Variants in FBRSL1 observed in about 807,000 individuals in gnomAD.
The protein encoded by FBRSL1 is fibrosin-1-like protein.
FBRSL1 carries 51 observed loss-of-function variants against 89.6 expected under a neutral mutation model. The ratio of observed to expected loss-of-function variants is 0.57; its 90% CI spans 0.45 to 0.72. The LOEUF is 0.72. Ranked by LOEUF, FBRSL1 falls within the 30% of genes least tolerant of loss-of-function variation. FBRSL1 has a pLI of 0.00. For missense variants in FBRSL1, 1,618 were observed against 1,451.8 expected (o/e 1.11, Z -1.86); for synonymous variants, 779 against 681.1 (o/e 1.14, Z -2.24).
At position 132,508,218 on chromosome 12, in the gene FBRSL1, C is replaced by T. The variant is rs1054017967; in HGVS notation, c.357C>T (p.Pro119=). The T allele has an allele frequency of 6.4e-7, 1 of 1,551,066 alleles. No homozygotes were observed. The highest frequency in any genetic ancestry group is 1.4e-5 in the African/African-American group (1 of 73,038). The change falls in exon 2 of 19, where the codon CCC becomes CCT. Residue 119 remains proline, a synonymous_variant. Coordinates refer to ENST00000680143, the MANE Select transcript of FBRSL1 (RefSeq NM_001367871.1). ...EKWERRLIKK[P]RESETCPPAE... is the part of the protein sequence containing the mutation. ...GGGAGCGTCGTCTCATCAAGAAGCC[C>T]CGGGAGTCGGAAACCTGCCCCCCTG...
chr12:132,510,453 C>G, intron 2 of FBRSL1: 1 of 1,232,104 alleles, frequency 8.1e-7, no homozygotes, highest in Non-Finnish European at 1.0e-6. Context: ...CTGATGCCTG[C>G]AGGCACCTCC....
rs543564356 is a variant in FBRSL1, at chr12:132,525,859, G to C, written c.579+36G>C. The C allele has an allele frequency of 5.2e-4, 779 of 1,506,922 alleles. 9 individuals are homozygous for C. The African/African-American group carries it at 8.9e-3, about 17-fold the overall frequency. 93.3% of individuals were successfully genotyped at this position (1,506,922 alleles called of 1,614,324 possible). On this transcript the variant is annotated intron_variant, in intron 3 of 18. Coordinates refer to ENST00000680143, the MANE Select transcript of FBRSL1 (RefSeq NM_001367871.1). Reference sequence around the variant, plus strand: ...AGCTGCCCGCGCCCGGAGGCTCCGAGTCTGGGCCGCCTGCCCGCTGCGCCC... The same window carrying C: ...AGCTGCCCGCGCCCGGAGGCTCCGACTCTGGGCCGCCTGCCCGCTGCGCCC...
intron 1 of FBRSL1, among the ~76,000 whole-genome samples, chr12:132,495,318 G>A (rs917778937): frequency 3.9e-5 from 6 of 152,236 alleles, no homozygotes; most frequent in Non-Finnish European, 8.8e-5. Flanking sequence ...GGCTGGGCCC[G>A]GCCTGCCGAG....
rs570362350 is a variant in FBRSL1 at position 132,550,326 on chromosome 12, C to T, written c.645+2294C>T. Reference sequence around the variant, plus strand: ...GCAGAGAGGCCTGGCGGGGCGGGGACGGAGAAGGCAGCTCCGCCAAACACT... The same window carrying T: ...GCAGAGAGGCCTGGCGGGGCGGGGATGGAGAAGGCAGCTCCGCCAAACACT... On this transcript the variant is annotated intron_variant, in intron 5 of 18. Transcript: ENST00000680143. Among the ~76,000 whole-genome samples, 17 of 151,226 alleles carry T rather than the reference C, an allele frequency of 1.1e-4. 1 individual carries two copies. Among genetic ancestry groups the T allele is most frequent in the South Asian group, 6.3e-4 (3 of 4,772 alleles).
intron 4 of FBRSL1, among the ~76,000 whole-genome samples, chr12:132,541,164 GCA>G: frequency 6.6e-6 from 1 of 150,896 alleles, no homozygotes; most frequent in African/African-American, 2.5e-5. Context: ...AGCCTGGGGG[GCA>G]CAGCCTCCCA....
chr12:132,548,412 A>G (rs1052784322), intron 5 of FBRSL1, among the ~76,000 whole-genome samples: 2 of 152,168 alleles, frequency 1.3e-5, no homozygotes, highest in Admixed American at 1.3e-4. Context: ...CTGAGGGAGC[A>G]GGGGCAGAGC....
chr12:132,564,634 T>C lies in FBRSL1; in HGVS notation c.646-2847T>C, dbSNP rs1191676744. Among the ~76,000 whole-genome samples, 3 of 125,058 alleles carry C rather than the reference T, an allele frequency of 2.4e-5. 1 individual carries two copies. The highest frequency in any genetic ancestry group is 5.7e-4 in the South Asian group (2 of 3,498). The allele number at this position is 125,058 out of a possible 152,430, so 82.0% of individuals were successfully genotyped here. On this transcript the variant is annotated intron_variant, in intron 5 of 18. Transcript: ENST00000680143. ...CCTCAGCCTCCCGAGTAGCTGGGACTACAGGCGCCCGCCACCACGCCCGGC... is the reference window on the plus strand; with the variant it reads ...CCTCAGCCTCCCGAGTAGCTGGGACCACAGGCGCCCGCCACCACGCCCGGC...
chr12:132,506,912 T>A (rs1376475221), intron 1 of FBRSL1: 1 of 152,330 alleles, frequency 6.6e-6, no homozygotes, highest in Non-Finnish European at 1.5e-5. Context: ...AGTGACAGGA[T>A]CAGCCCTCGT....
Position 132,505,216 on chromosome 12 carries a change from C to T in FBRSL1, c.292-2937C>T, listed in dbSNP as rs117585982. Among the ~76,000 whole-genome samples the T allele has an allele frequency of 2.5e-4, 38 of 152,330 alleles. No homozygotes were observed. In the East Asian group the frequency reaches 7.1e-3, roughly 29 times the overall value. ...CGGTGAACACGATGAAGTGGGTGAGCGCGGCCGCTGCTGGTCTCCTTGGCT... is the reference window on the plus strand; with the variant it reads ...CGGTGAACACGATGAAGTGGGTGAGTGCGGCCGCTGCTGGTCTCCTTGGCT... On this transcript the variant is annotated intron_variant, in intron 1 of 18. Coordinates refer to ENST00000680143, the MANE Select transcript of FBRSL1 (RefSeq NM_001367871.1).
At position 132,583,412 on chromosome 12, in the gene FBRSL1, G is replaced by A. The variant is rs1245089869; in HGVS notation, c.2643G>A (p.Pro881=). 3.7e-6 allele frequency: 4 copies of A among 1,076,716 alleles called. No individual in the cohort carries two copies. The highest frequency in any genetic ancestry group is 1.5e-4 in the East Asian group (2 of 13,000). 66.7% of individuals were successfully genotyped at this position (1,076,716 alleles called of 1,614,324 possible). ...APGSAALLEP[P]ERPYRDREPH... Reference sequence around the variant, plus strand: ...GCTCCGCCGCCCTCTTGGAGCCCCCGGAGCGCCCCTACCGCGACCGCGAGC... The same window carrying A: ...GCTCCGCCGCCCTCTTGGAGCCCCCAGAGCGCCCCTACCGCGACCGCGAGC... The change falls in exon 19 of 19, where the codon CCG becomes CCA. Residue 881 remains proline, a synonymous_variant. Coordinates refer to ENST00000680143, the MANE Select transcript of FBRSL1 (RefSeq NM_001367871.1).
chr12:132,513,332 C>T (rs901498456), intron 2 of FBRSL1, among the ~76,000 whole-genome samples: 4 of 151,992 alleles, frequency 2.6e-5, no homozygotes, highest in African/African-American at 4.8e-5. Context: ...AGTGGGGCTG[C>T]GCCTGCCCAG....
chr12:132,530,575 C>A (rs1055371859), intron 4 of FBRSL1, among the ~76,000 whole-genome samples: 7 of 152,068 alleles, frequency 4.6e-5, no homozygotes, highest in African/African-American at 1.7e-4. Flanking sequence ...GGGTGCCCTT[C>A]TGCTTCTGGG....
At chr12:132,572,671 T>A in intron 11 of FBRSL1, 49 bp downstream of exon 11, 1 of 1,320,940 alleles carries the variant, frequency 7.6e-7, no homozygotes, top group South Asian at 1.3e-5. Context: ...TGGGTGGATT[T>A]TGGGGGGAGT....
chr12:132,533,960 G>A (rs963595698), intron 4 of FBRSL1, among the ~76,000 whole-genome samples: 2 of 152,212 alleles, frequency 1.3e-5, no homozygotes, highest in African/African-American at 2.4e-5. Flanking sequence ...AACCTGAGGC[G>A]GGTGGGTGCC....
chr12:132,510,255 C>G, intron 2 of FBRSL1: 1 of 1,231,908 alleles, frequency 8.1e-7, no homozygotes. Context: ...GCAGCCGGGC[C>G]CACCCTGCCG....
intron 1 of FBRSL1, among the ~76,000 whole-genome samples, chr12:132,492,810 G>GAGCCTGC: frequency 6.6e-6 from 1 of 152,320 alleles, no homozygotes; most frequent in East Asian, 1.9e-4. Flanking sequence ...CTGCCCTTCG[G>GAGCCTGC]AGCCTGCCTG....
At chr12:132,495,685 G>C (rs1014168312) in intron 1 of FBRSL1, among the ~76,000 whole-genome samples, 1 of 152,204 alleles carries the variant, frequency 6.6e-6, no homozygotes, top group African/African-American at 2.4e-5. Context: ...ATGGATTCCT[G>C]TTCCTCCCAC....
At chr12:132,528,083 A>C in intron 4 of FBRSL1, 95 bp downstream of exon 4, 36 of 1,139,880 alleles carry the variant, frequency 3.2e-5, no homozygotes, top group Non-Finnish European at 4.0e-5. Context: ...AACTTAGCTC[A>C]CCCCAGTCCC....
At chr12:132,492,100 G>C (rs2031116338) in intron 1 of FBRSL1, among the ~76,000 whole-genome samples, 1 of 152,226 alleles carries the variant, frequency 6.6e-6, no homozygotes, top group Non-Finnish European at 1.5e-5. Context: ...CGTGTACTGA[G>C]CAATACTGCA....
Sources: gnomAD v4.1 joint callset for allele counts (sites outside exome capture counted in the v4.1 genomes callset) on GRCh38, gnomAD v4.1.1 for gene constraint, MANE v1.5 for transcripts, NCBI Gene and HGNC (gene_info 2026-07-23, HGNC 2026-07-21) for gene names.